Variants in SPAG16 observed in about 807,000 individuals in gnomAD.
SPAG16 encodes sperm-associated antigen 16 protein.
A neutral mutation model predicts 80.4 loss-of-function variants in SPAG16; 86 were observed. That is an observed-to-expected ratio of 1.07 (90% CI 0.90 to 1.28). SPAG16 has a LOEUF of 1.28. Ranked by LOEUF, SPAG16 falls within the 50% of genes most tolerant of loss-of-function variation. The pLI is 0.00. For synonymous variants in SPAG16, 294 were observed against 265.9 expected (o/e 1.11, Z -1.03); for missense variants, 870 against 765.3 (o/e 1.14, Z -1.61).
chr2:213,320,331 A>C (rs540939737), intron 5 of SPAG16, among the ~76,000 whole-genome samples: 1 of 152,160 alleles, frequency 6.6e-6, no homozygotes, highest in South Asian at 2.1e-4. Flanking sequence ...TTTTGATTAC[A>C]TACATACAAT....
At position 214,043,002 on chromosome 2, in the gene SPAG16, G is replaced by A. The variant is rs189278656; in HGVS notation, c.1527+28925G>A. 2.0e-5 allele frequency among the ~76,000 whole-genome samples: 3 copies of A among 152,154 alleles called. No individual in the cohort carries two copies. In the South Asian group the frequency reaches 6.2e-4, roughly 32 times the overall value. ...TCAAATCAGACTTATAAGAATCTGA[G>A]ATCTTACCTAATATTCAAGCTTTAC... On this transcript the variant is annotated intron_variant, in intron 13 of 15. Transcript: ENST00000331683.
chr2:213,776,679 A>G (rs1344113307), intron 10 of SPAG16, among the ~76,000 whole-genome samples: 1 of 152,066 alleles, frequency 6.6e-6, no homozygotes, highest in Non-Finnish European at 1.5e-5. Context: ...GGTTAGTTTT[A>G]TAAGAAATAA....
chr2:213,525,284 C>CTTTTTTTTTTT (rs71060436), intron 10 of SPAG16, among the ~76,000 whole-genome samples: 5 of 100,334 alleles, frequency 5.0e-5, no homozygotes, highest in Admixed American at 1.2e-4. Context: ...TTTTCCTTTT[C>CTTTTTTTTTTT]TTTTTTTTTT....
intron 10 of SPAG16, among the ~76,000 whole-genome samples, chr2:213,507,247 A>T (rs1262141660): frequency 6.6e-6 from 1 of 152,236 alleles, no homozygotes; most frequent in East Asian, 1.9e-4. Flanking sequence ...AAATAATTAT[A>T]CATTGTACTG....
intron 12 of SPAG16, among the ~76,000 whole-genome samples, chr2:213,949,179 T>TTTTTTTTTTTTGTTTTTTTTGTTTTG (rs2079612309): frequency 2.8e-5 from 1 of 36,244 alleles, no homozygotes; most frequent in East Asian, 1.0e-3. Flanking sequence ...GTTTTTTTTT[T>TTTTTTTTTTTTGTTTTTTTTGTTTTG]TTTTTTTTTT....
chr2:214,383,049 T>C (rs1459446541), intron 15 of SPAG16, among the ~76,000 whole-genome samples: 1 of 151,980 alleles, frequency 6.6e-6, no homozygotes, highest in East Asian at 1.9e-4. Context: ...AAAGCTGCTA[T>C]CCTCTTAAAA....
At chr2:213,358,944 A>T (rs1008786857) in intron 7 of SPAG16, among the ~76,000 whole-genome samples, 7 of 151,986 alleles carry the variant, frequency 4.6e-5, no homozygotes, top group Non-Finnish European at 5.9e-5. Context: ...TGGGGTTTTG[A>T]TGTGGGTGTC....
At chr2:214,065,561 AT>A (rs528752885) in intron 13 of SPAG16, among the ~76,000 whole-genome samples, 1 of 151,498 alleles carries the variant, frequency 6.6e-6, no homozygotes, top group African/African-American at 2.4e-5. Context: ...AGGGATTCAA[AT>A]TCACTTGACT....
At chr2:214,329,253 A>T (rs1198799992) in intron 15 of SPAG16, among the ~76,000 whole-genome samples, 1 of 151,718 alleles carries the variant, frequency 6.6e-6, no homozygotes, top group Non-Finnish European at 1.5e-5. Flanking sequence ...TCAAGTTCAA[A>T]ACACTCAAGT....
At chr2:214,219,156 CA>C in intron 15 of SPAG16, among the ~76,000 whole-genome samples, 1 of 152,194 alleles carries the variant, frequency 6.6e-6, no homozygotes, top group East Asian at 1.9e-4. Context: ...GTGGTATCCA[CA>C]AATTTGGGCA....
intron 11 of SPAG16, among the ~76,000 whole-genome samples, chr2:213,870,777 A>G (rs942676443): frequency 6.6e-6 from 1 of 152,148 alleles, no homozygotes; most frequent in Non-Finnish European, 1.5e-5. Context: ...TAAAACTAGT[A>G]TTGCCTCTAA....
At chr2:213,762,773 A>G (rs780096057) in intron 10 of SPAG16, among the ~76,000 whole-genome samples, 9 of 152,200 alleles carry the variant, frequency 5.9e-5, no homozygotes, top group Non-Finnish European at 8.8e-5. Context: ...AAAGGCAGAG[A>G]TAATAAGTCG....
intron 14 of SPAG16, among the ~76,000 whole-genome samples, chr2:214,124,824 A>G (rs2054397844): frequency 6.6e-6 from 1 of 151,786 alleles, no homozygotes; most frequent in African/African-American, 2.4e-5. Flanking sequence ...TAAAAGGTAC[A>G]TCTTCCAGCA....
At chr2:214,136,740 G>A (rs1417025511) in intron 14 of SPAG16, among the ~76,000 whole-genome samples, 1 of 151,682 alleles carries the variant, frequency 6.6e-6, no homozygotes, top group East Asian at 1.9e-4. Flanking sequence ...TGCTTTATTT[G>A]TGCCATTAGA....
At position 214,201,459 on chromosome 2, in the gene SPAG16, A is replaced by G. The variant is rs887398784; in HGVS notation, c.1720+52193A>G. On this transcript the variant is annotated intron_variant, in intron 15 of 15. Coordinates refer to ENST00000331683, the MANE Select transcript of SPAG16 (RefSeq NM_024532.5). ...GCCTCATTAATGCACAGTACATGAC[A>G]AGATAGACCTACATGTGGTTTGCAT... 2.0e-5 allele frequency among the ~76,000 whole-genome samples: 3 copies of G among 152,322 alleles called. No homozygotes were observed. In the South Asian group the frequency reaches 6.2e-4, roughly 32 times the overall value.
chr2:213,453,922 C>T (rs2071850761), intron 9 of SPAG16, among the ~76,000 whole-genome samples: 1 of 152,150 alleles, frequency 6.6e-6, no homozygotes, highest in Admixed American at 6.5e-5. Flanking sequence ...CAAATTGGTT[C>T]ATTGCTGAGA....
intron 15 of SPAG16, among the ~76,000 whole-genome samples, chr2:214,321,085 C>T (rs1696064005): frequency 1.3e-5 from 2 of 152,070 alleles, no homozygotes; most frequent in South Asian, 4.2e-4. Context: ...GTAAGCTGTA[C>T]TTGGTCTATT....
At chr2:213,712,979 G>A (rs2066067925) in intron 10 of SPAG16, among the ~76,000 whole-genome samples, 1 of 152,054 alleles carries the variant, frequency 6.6e-6, no homozygotes, top group South Asian at 2.1e-4. Flanking sequence ...ACGTGGTTGG[G>A]GAGGCATCAG....
At chr2:213,793,454 T>G (rs1315809326) in intron 10 of SPAG16, among the ~76,000 whole-genome samples, 1 of 152,178 alleles carries the variant, frequency 6.6e-6, no homozygotes, top group Non-Finnish European at 1.5e-5. Context: ...CCAGTTACTC[T>G]GAATAAATAA....
Sources: gnomAD v4.1 joint callset for allele counts (sites outside exome capture counted in the v4.1 genomes callset) on GRCh38, gnomAD v4.1.1 for gene constraint, MANE v1.5 for transcripts, NCBI Gene and HGNC (gene_info 2026-07-23, HGNC 2026-07-21) for gene names.